Variants in RBFOX1 observed in about 807,000 individuals in gnomAD.
RBFOX1 encodes RNA binding protein fox-1 homolog 1.
RBFOX1 carries 8 observed loss-of-function variants against 57.7 expected under a neutral mutation model. The observed-to-expected ratio is 0.14, with a 90% CI of 0.08 to 0.25. The LOEUF is 0.25. Among genes scored for constraint, RBFOX1 ranks in the 10% least tolerant of loss-of-function variants. RBFOX1 has a pLI of 1.00. For synonymous variants in RBFOX1, 326 were observed against 222.4 expected (o/e 1.47, Z -4.15); for missense variants, 611 against 548.5 (o/e 1.11, Z -1.14).
chr16:6,661,347 A>G (rs1299517036), intron 3 of RBFOX1, among the ~76,000 whole-genome samples: 6 of 152,206 alleles, frequency 3.9e-5, no homozygotes, highest in Non-Finnish European at 8.8e-5. Flanking sequence ...TGGCGAGGAC[A>G]AGACGGTGTA....
intron 1 of RBFOX1, among the ~76,000 whole-genome samples, chr16:6,311,295 C>A (rs1319853075): frequency 4.9e-3 from 443 of 91,042 alleles, no homozygotes; most frequent in African/African-American, 8.9e-3. Context: ...GACTCTGTCT[C>A]AAAAAAAAAA....
chr16:5,296,075 G>T (rs950028797), intron 1 of RBFOX1, among the ~76,000 whole-genome samples: 1 of 95,460 alleles, frequency 1.0e-5, no homozygotes, highest in African/African-American at 2.7e-5. Context: ...CATTGCGCCC[G>T]GGTTCCCCCT....
intron 3 of RBFOX1, among the ~76,000 whole-genome samples, chr16:6,684,937 C>G (rs563892726): frequency 2.6e-5 from 4 of 152,258 alleles, no homozygotes; most frequent in East Asian, 1.9e-4. Context: ...TCTGGCTTTA[C>G]TTAGGGTGAT....
intron 1 of RBFOX1, among the ~76,000 whole-genome samples, chr16:5,312,482 A>C (rs2064118538): frequency 6.6e-6 from 1 of 151,616 alleles, no homozygotes. Flanking sequence ...GTGACCACTA[A>C]ATTTTGTGGT....
intron 1 of RBFOX1, among the ~76,000 whole-genome samples, chr16:5,422,856 AAGG>A (rs1219496438): frequency 1.1e-4 from 13 of 113,382 alleles, no homozygotes; most frequent in Admixed American, 5.3e-4. Context: ...AAGGAGGAGA[AAGG>A]AGGAGCAGGG....
At chr16:6,195,362 TTATG>T (rs2097172983) in intron 1 of RBFOX1, among the ~76,000 whole-genome samples, 1 of 152,154 alleles carries the variant, frequency 6.6e-6, no homozygotes, top group Non-Finnish European at 1.5e-5. Flanking sequence ...AATCAGGAGT[TTATG>T]TATCTTTCCG....
intron 4 of RBFOX1, among the ~76,000 whole-genome samples, chr16:7,179,666 T>C (rs188433404): frequency 8.7e-4 from 132 of 152,280 alleles, no homozygotes; most frequent in African/African-American, 3.1e-3. Context: ...ACAATGAATT[T>C]ATTTGAGATG....
intron 2 of RBFOX1, among the ~76,000 whole-genome samples, chr16:6,413,310 A>G (rs919651327): frequency 1.6e-5 from 2 of 128,318 alleles, no homozygotes; most frequent in South Asian, 5.3e-4. Flanking sequence ...CAAGAGAGAA[A>G]CTACATCTCA....
intron 2 of RBFOX1, among the ~76,000 whole-genome samples, chr16:6,514,271 C>A (rs936953880): frequency 6.6e-6 from 1 of 152,176 alleles, no homozygotes; most frequent in Admixed American, 6.5e-5. Context: ...ACGGGCAATC[C>A]TTTCCACTTC....
chr16:5,914,579 T>G (rs1366650509), intron 4 of RBFOX1, among the ~76,000 whole-genome samples: 2 of 151,138 alleles, frequency 1.3e-5, no homozygotes, highest in Admixed American at 6.6e-5. Flanking sequence ...CAGCTGGTGA[T>G]GAGAGAGAGA....
At chr16:6,162,419 T>G (rs749937909) in intron 1 of RBFOX1, among the ~76,000 whole-genome samples, 6 of 152,144 alleles carry the variant, frequency 3.9e-5, no homozygotes, top group Non-Finnish European at 8.8e-5. Flanking sequence ...CTGGCCCAGA[T>G]TTCTGTATTT....
Position 6,256,315 on chromosome 16 carries a change from A to G in RBFOX1, c.-126-60680A>G, listed in dbSNP as rs368154983. 9.9e-5 allele frequency among the ~76,000 whole-genome samples: 14 copies of G among 141,806 alleles called. No individual in the cohort carries two copies. In the South Asian group the frequency reaches 2.2e-3, roughly 22 times the overall value. 93.0% of individuals were successfully genotyped at this position (141,806 alleles called of 152,430 possible). On this transcript the variant is annotated intron_variant, in intron 1 of 15. Transcript: ENST00000550418. ...TATATATATGTATATATATATATGT[A>G]TATATATAAGGCAGTCAGAAAGAAA...
intron 5 of RBFOX1, among the ~76,000 whole-genome samples, chr16:7,529,410 C>T (rs1051332508): frequency 6.6e-6 from 1 of 152,326 alleles, no homozygotes; most frequent in African/African-American, 2.4e-5. Context: ...TACAAAATTA[C>T]AAGCGTGATG....
intron 3 of RBFOX1, among the ~76,000 whole-genome samples, chr16:6,802,864 C>G (rs564240953): frequency 1.3e-5 from 2 of 152,156 alleles, no homozygotes; most frequent in Non-Finnish European, 2.9e-5. Flanking sequence ...AGTTGCCTTT[C>G]TTTTAAGGAG....
chr16:7,116,245 A>G (rs1037581699), intron 4 of RBFOX1, among the ~76,000 whole-genome samples: 2 of 152,148 alleles, frequency 1.3e-5, no homozygotes, highest in Admixed American at 1.3e-4. Flanking sequence ...GAGAAAGCCC[A>G]TGCAGTAAAC....
intron 1 of RBFOX1, among the ~76,000 whole-genome samples, chr16:6,298,089 G>A (rs981673010): frequency 1.8e-4 from 27 of 152,180 alleles, no homozygotes; most frequent in East Asian, 1.9e-4. Context: ...TAAGCCATCC[G>A]TGGATGGCAA....
intron 2 of RBFOX1, among the ~76,000 whole-genome samples, chr16:6,384,167 C>G (rs569631603): frequency 6.7e-6 from 1 of 148,196 alleles, no homozygotes; most frequent in East Asian, 2.1e-4. Context: ...TCTAAGTATT[C>G]AAGGTTAACC....
chr16:7,374,064 GA>G (rs557221594), intron 4 of RBFOX1, among the ~76,000 whole-genome samples: 53 of 152,320 alleles, frequency 3.5e-4, no homozygotes, highest in Admixed American at 1.4e-3. Flanking sequence ...TGGAGAGGCA[GA>G]TAGACCCAGA....
intron 3 of RBFOX1, among the ~76,000 whole-genome samples, chr16:7,000,686 C>A (rs896216030): frequency 1.4e-5 from 2 of 145,540 alleles, no homozygotes; most frequent in Non-Finnish European, 3.0e-5. Context: ...CTCACTGCAA[C>A]CTCTGCCTAC....
Sources: allele counts gnomAD v4.1 joint callset (sites outside exome capture counted in the v4.1 genomes callset), GRCh38; gene constraint gnomAD v4.1.1; transcripts MANE v1.5; gene names NCBI Gene and HGNC (gene_info 2026-07-23, HGNC 2026-07-21).